DNAI4: variants seen among roughly 807,000 people sequenced by gnomAD.
The protein encoded by DNAI4 is WD repeat domain 78.
DNAI4 carries 85 observed loss-of-function variants against 105.8 expected under a neutral mutation model. That is an observed-to-expected ratio of 0.80 (90% confidence interval 0.67 to 0.96). DNAI4 has a LOEUF of 0.96. Among genes scored for constraint, DNAI4 ranks in the 40% least tolerant of loss-of-function variants. The probability of loss-of-function intolerance (pLI) is 0.00; values close to 1 mark genes in which losing one functional copy is unlikely to be tolerated. For synonymous variants in DNAI4, 352 were observed against 331.5 expected (o/e 1.06, Z -0.67); for missense variants, 1,014 against 1,005.6 (o/e 1.01, Z -0.11).
rs138309939 is a variant in DNAI4, at chr1:66,900,173, G to A, written c.345+5028C>T. ...CAACTTCTGCCTCCCAAGTTTAAGC[G>A]ATTCTGCTGCCTCTGCCTTCCAAGT... On this transcript the variant is annotated intron_variant, in intron 2 of 16. Coordinates refer to ENST00000371026, the MANE Select transcript of DNAI4 (RefSeq NM_024763.5). Among the ~76,000 whole-genome samples, 271 of 152,158 alleles carry A rather than the reference G, an allele frequency of 1.8e-3. 2 individuals are homozygous for A. The highest frequency in any genetic ancestry group is 6.2e-3 in the African/African-American group (256 of 41,534).
chr1:66,837,616 C>A, intron 10 of DNAI4, 94 bp downstream of exon 10: 1 of 1,331,756 alleles, frequency 7.5e-7, no homozygotes, highest in Non-Finnish European at 1.0e-6. Context: ...ATAAAATTTT[C>A]TAGACTTTAT....
rs527662702 is a variant in DNAI4 at position 66,813,402 on chromosome 1, C to T, written c.*728G>A. 2.6e-5 allele frequency: 4 copies of T among 152,412 alleles called. No homozygotes were observed. Among genetic ancestry groups the T allele is most frequent in the African/African-American group, 9.6e-5 (4 of 41,548 alleles). 9.4% of individuals were successfully genotyped at this position (152,412 alleles called of 1,614,324 possible). A position where few individuals can be genotyped will look rare whatever the true frequency, so the allele number is the denominator to read the frequency against. On this transcript the variant is annotated 3_prime_UTR_variant, in exon 17 of 17. Coordinates refer to ENST00000371026, the MANE Select transcript of DNAI4 (RefSeq NM_024763.5). ...TCATAAAATAACATCCTGATGTGGC[C>T]TATAGATCAGAGACTTTATATTTTC...
intron 6 of DNAI4, chr1:66,871,138 T>C (rs1280502775): frequency 2.6e-5 from 12 of 457,320 alleles, no homozygotes; most frequent in Non-Finnish European, 4.6e-5. Context: ...AGTTCTATGA[T>C]ATAGTATGCA....
chr1:66,827,885 G>A lies in DNAI4; in HGVS notation c.2039C>T (p.Thr680Ile). ...PKDTNIYLAG[T>I]EEGHIHKCSC... Reference sequence around the variant, plus strand: ...ACATTTGTGAATATGACCTTCTTCAGTGCCAGCCAAATAGATATTTGTGTC... The same window carrying A: ...ACATTTGTGAATATGACCTTCTTCAATGCCAGCCAAATAGATATTTGTGTC... The change falls in exon 14 of 17, where the codon ACT (threonine) becomes ATT (isoleucine). Residue 680 changes from threonine (T) to isoleucine (I), a missense_variant. Thr to Ile is a moderately conservative substitution (Grantham distance 89). Coordinates refer to ENST00000371026, the MANE Select transcript of DNAI4 (RefSeq NM_024763.5). 1 of 1,605,544 alleles carries A rather than the reference G, an allele frequency of 6.2e-7. No individual in the cohort carries two copies. The highest frequency in any genetic ancestry group is 8.5e-7 in the Non-Finnish European group (1 of 1,176,016).
In DNAI4 at chr1:66,886,869, G is replaced by A. The variant is rs115928222; in HGVS notation, c.643+4285C>T. Among the ~76,000 whole-genome samples, 255 of 152,234 alleles carry A rather than the reference G, an allele frequency of 1.7e-3. 1 individual carries two copies. Among genetic ancestry groups the A allele is most frequent in the African/African-American group, 6.1e-3 (252 of 41,548 alleles). ...CCTCCTTAGTTAAGAAATAAAGGCT[G>A]GTGCTAGAGTAGAATTCCCTTACCC... On this transcript the variant is annotated intron_variant, in intron 4 of 16. Coordinates refer to ENST00000371026, the MANE Select transcript of DNAI4 (RefSeq NM_024763.5).
chr1:66,884,096 G>A (rs1273029328), intron 4 of DNAI4, among the ~76,000 whole-genome samples: 1 of 152,036 alleles, frequency 6.6e-6, no homozygotes, highest in African/African-American at 2.4e-5. Context: ...TTCTGTGTCT[G>A]GTTTATTTCA....
At chr1:66,907,020 A>G (rs941583700) in intron 1 of DNAI4, 1 of 152,028 alleles carries the variant, frequency 6.6e-6, no homozygotes, top group Non-Finnish European at 1.5e-5. Flanking sequence ...TTTCCCTGTG[A>G]GCATAAAATT....
At chr1:66,882,942 AT>A (rs537127151) in intron 4 of DNAI4, among the ~76,000 whole-genome samples, 3 of 151,086 alleles carry the variant, frequency 2.0e-5, no homozygotes, top group Admixed American at 6.6e-5. Flanking sequence ...TCATTTATTT[AT>A]TTTTTTTTAC....
At chr1:66,922,987 T>C (rs1197593722) in intron 1 of DNAI4, among the ~76,000 whole-genome samples, 1 of 152,144 alleles carries the variant, frequency 6.6e-6, no homozygotes, top group Non-Finnish European at 1.5e-5. Flanking sequence ...ACCAATACAG[T>C]CCTGGATCAT....
rs914527355 is a variant in DNAI4 at position 66,840,591 on chromosome 1, C to T, written c.1372G>A (p.Glu458Lys). ...EVEEESKKEE[E>K]EEIHAEESTI... ...GATTCTTCTGCATGTATTTCTTCTT[C>T]CTCCTCCTTCTTAGATTCTTCCTCT... is the stretch of plus-strand genomic sequence containing the variant. The change falls in exon 9 of 17, where the codon GAA becomes AAA. Residue 458 changes from glutamate (E) to lysine (K), a missense_variant. Transcript: ENST00000371026. The T allele has an allele frequency of 6.2e-7, 1 of 1,614,038 alleles. No individual in the cohort carries two copies. The highest frequency in any genetic ancestry group is 1.3e-5 in the African/African-American group (1 of 74,918).
intron 4 of DNAI4, among the ~76,000 whole-genome samples, chr1:66,883,317 C>T (rs1212019646): frequency 6.7e-6 from 1 of 149,680 alleles, no homozygotes; most frequent in Non-Finnish European, 1.5e-5. Context: ...TCACTCTTGT[C>T]ACCAGACTGG....
At chr1:66,891,345 A>G in intron 3 of DNAI4, 79 bp from the exon 4 acceptor site, 1 of 947,644 alleles carries the variant, frequency 1.1e-6, no homozygotes, top group Admixed American at 2.3e-5. Context: ...AGAACATATT[A>G]TCAGATGGAG....
At chr1:66,909,201 T>G (rs1649473190) in intron 1 of DNAI4, among the ~76,000 whole-genome samples, 2 of 152,036 alleles carry the variant, frequency 1.3e-5, no homozygotes, top group African/African-American at 4.8e-5. Context: ...TTCACCTGTC[T>G]TTCCAGCTAT....
intron 1 of DNAI4, among the ~76,000 whole-genome samples, chr1:66,911,719 T>G (rs1179715070): frequency 6.6e-6 from 1 of 152,224 alleles, no homozygotes; most frequent in Non-Finnish European, 1.5e-5. Flanking sequence ...TCCAAATCAT[T>G]ATATCCAACT....
intron 7 of DNAI4, among the ~76,000 whole-genome samples, chr1:66,859,060 C>A (rs561275285): frequency 6.6e-6 from 1 of 152,006 alleles, no homozygotes; most frequent in East Asian, 1.9e-4. Flanking sequence ...AAGAGAGAAG[C>A]CATAGACTAG....
intron 7 of DNAI4, among the ~76,000 whole-genome samples, chr1:66,849,686 A>G (rs1471848940): frequency 6.6e-6 from 1 of 152,234 alleles, no homozygotes; most frequent in Non-Finnish European, 1.5e-5. Context: ...AGTATCATCA[A>G]AGGAATAGAA....
intron 13 of DNAI4, among the ~76,000 whole-genome samples, chr1:66,831,789 A>G (rs1009740571): frequency 2.0e-5 from 3 of 152,226 alleles, no homozygotes; most frequent in Admixed American, 2.0e-4. Flanking sequence ...CGTACAAGAA[A>G]GAGAAATAAA....
chr1:66,841,560 G>A (rs752283497), intron 8 of DNAI4, among the ~76,000 whole-genome samples: 29 of 152,010 alleles, frequency 1.9e-4, no homozygotes, highest in Non-Finnish European at 3.5e-4. Context: ...AGATGGGGGC[G>A]GGGGTCTTAC....
intron 6 of DNAI4, among the ~76,000 whole-genome samples, chr1:66,863,903 G>T (rs768918585): frequency 1.5e-4 from 23 of 152,302 alleles, no homozygotes; most frequent in Non-Finnish European, 3.4e-4. Flanking sequence ...TTCATGAAGA[G>T]AACTTAGAAA....
Sources: allele counts gnomAD v4.1 joint callset (sites outside exome capture counted in the v4.1 genomes callset), GRCh38; gene constraint gnomAD v4.1.1; transcripts MANE v1.5; gene names NCBI Gene and HGNC (gene_info 2026-07-23, HGNC 2026-07-21).